GRIP2: variants seen among roughly 807,000 people sequenced by gnomAD.
The protein encoded by GRIP2 is glutamate receptor-interacting protein 2.
A neutral mutation model predicts 108.3 loss-of-function variants in GRIP2; 58 were observed. That is an observed-to-expected ratio of 0.54 (90% CI 0.43 to 0.67). The LOEUF is 0.67. Ranked by LOEUF, GRIP2 falls within the 30% of genes least tolerant of loss-of-function variation. The probability of loss-of-function intolerance (pLI) is 0.00; values close to 1 mark genes in which losing one functional copy is unlikely to be tolerated. For missense variants in GRIP2, 1,278 were observed against 1,430.6 expected (o/e 0.89, Z 1.72); for synonymous variants, 586 against 598.2 (o/e 0.98, Z 0.30).
chr3:14,547,296 T>A (rs1253729246), intron 1 of GRIP2, among the ~76,000 whole-genome samples: 4 of 152,170 alleles, frequency 2.6e-5, no homozygotes, highest in Admixed American at 6.5e-5. Flanking sequence ...TAAAGCACTA[T>A]CTATGCTGCA....
chr3:14,539,941 T>C lies in GRIP2; in HGVS notation c.40+328A>G, dbSNP rs563273667. 4.6e-5 allele frequency among the ~76,000 whole-genome samples: 7 copies of C among 152,210 alleles called. 1 individual carries two copies. The South Asian group carries it at 1.4e-3, about 32-fold the overall frequency. On this transcript the variant is annotated intron_variant, in intron 1 of 23. Coordinates refer to ENST00000621039, the MANE Select transcript of GRIP2 (RefSeq NM_001080423.4). ...CCAGGCAGCTGTGCAGATCCTGAGA[T>C]TGGGCAAAAGGCTTCGCTCACACCC...
intron 23 of GRIP2, 48 bp from the exon 24 acceptor site, chr3:14,493,874 T>C: frequency 6.3e-7 from 1 of 1,575,304 alleles, no homozygotes; most frequent in Non-Finnish European, 8.7e-7. Context: ...TCAGCCCTGC[T>C]GCGCTGAAGG....
Position 14,512,759 on chromosome 3 carries a change from C to T in GRIP2, c.1720+18G>A. On this transcript the variant is annotated intron_variant, in intron 14 of 23. Transcript: ENST00000621039. This position sits in a 1 kb window ranked among gnomAD's most constrained non-coding sequence, Gnocchi z 5.1. ...TGAGCTCGCTCCCAGGGGCAAACAG[C>T]AGCGGGAGGAGACTCACAGCTGATG... 6.2e-7 allele frequency: 1 copy of T among 1,609,464 alleles called. No homozygotes were observed.
Position 14,509,011 on chromosome 3 carries a change from C to T in GRIP2, c.2078+809G>A, listed in dbSNP as rs574004500. 2.0e-5 allele frequency among the ~76,000 whole-genome samples: 3 copies of T among 152,190 alleles called. No individual in the cohort carries two copies. The South Asian group carries it at 6.2e-4, about 32-fold the overall frequency. On this transcript the variant is annotated intron_variant, in intron 17 of 23. Coordinates refer to ENST00000621039, the MANE Select transcript of GRIP2 (RefSeq NM_001080423.4). Reference sequence around the variant, plus strand: ...ACACAGCAGGTGCCCAGTACATGCTCGAATTGATGAAGACATTGGGGTCAG... The same window carrying T: ...ACACAGCAGGTGCCCAGTACATGCTTGAATTGATGAAGACATTGGGGTCAG...
At chr3:14,529,196 G>A (rs965555247) in intron 1 of GRIP2, among the ~76,000 whole-genome samples, 114 of 151,192 alleles carry the variant, frequency 7.5e-4, no homozygotes, top group Middle Eastern at 3.4e-3. Context: ...GGTGAATGGC[G>A]TGAACCTGGG....
the GRIP2 span, chr3:14,573,900 T>C: frequency 4.3e-6 from 5 of 1,166,102 alleles, no homozygotes; most frequent in Non-Finnish European, 6.4e-6. Context: ...GCCCGACCTG[T>C]CGTTGTGCAT....
At chr3:14,575,574 G>A in the GRIP2 span, among the ~76,000 whole-genome samples, 1 of 152,320 alleles carries the variant, frequency 6.6e-6, no homozygotes, top group Non-Finnish European at 1.5e-5. Context: ...TGGGATATTC[G>A]CTTTAATAGG....
At chr3:14,499,142 G>C (rs377038629) in intron 21 of GRIP2, among the ~76,000 whole-genome samples, 1 of 152,206 alleles carries the variant, frequency 6.6e-6, no homozygotes, top group African/African-American at 2.4e-5. Context: ...CCGCATGAAG[G>C]TGGGGCCGGA....
the GRIP2 span, among the ~76,000 whole-genome samples, chr3:14,590,699 C>T: frequency 0.014 from 2,087 of 152,280 alleles, 46 homozygotes; most frequent in African/African-American, 0.047. Context: ...AACCGCCTAA[C>T]GAGGATGAAG....
chr3:14,568,403 CAGG>C, the GRIP2 span, among the ~76,000 whole-genome samples: 13 of 152,292 alleles, frequency 8.5e-5, no homozygotes, highest in Non-Finnish European at 1.6e-4. Context: ...CCTGTGAGGC[CAGG>C]AGAAGTATGT....
chr3:14,511,671 G>A lies in GRIP2; in HGVS notation c.1721-192C>T, dbSNP rs1694097284. ...CATCAGTTTCCCCCCTGTAAAATGGGGGTGGCACCGCAGACCTCATGGGGA... is the reference window on the plus strand; with the variant it reads ...CATCAGTTTCCCCCCTGTAAAATGGAGGTGGCACCGCAGACCTCATGGGGA... On this transcript the variant is annotated intron_variant, in intron 14 of 23. Transcript: ENST00000621039. This position sits in a 1 kb window ranked among gnomAD's most constrained non-coding sequence, Gnocchi z 4.1. 6.6e-6 allele frequency among the ~76,000 whole-genome samples: 1 copy of A among 152,204 alleles called. No homozygotes were observed. The highest frequency in any genetic ancestry group is 2.1e-4 in the South Asian group (1 of 4,826).
chr3:14,506,357 T>A (rs939522502), intron 19 of GRIP2, among the ~76,000 whole-genome samples: 4 of 152,212 alleles, frequency 2.6e-5, no homozygotes, highest in African/African-American at 4.8e-5. Context: ...TGCATTGGCC[T>A]GGGAGGGAGC....
At position 14,522,766 on chromosome 3, in the gene GRIP2, C is replaced by T. The variant is rs544960200; in HGVS notation, c.566+234G>A. 12 of 536,048 alleles carry T rather than the reference C, an allele frequency of 2.2e-5. No homozygotes were observed. The South Asian group carries it at 2.6e-4, about 12-fold the overall frequency. The allele number at this position is 536,048 out of a possible 1,614,324, so 33.2% of individuals were successfully genotyped here. On this transcript the variant is annotated intron_variant, in intron 6 of 23. Transcript: ENST00000621039. The surrounding 1 kb of genome is among the most constrained non-coding windows in gnomAD (Gnocchi z 4.3). ...CACCAAGGCTGCCCCTCTCCAAACACCCCAACCCCTGAGACAGCAGTATGT... is the reference window on the plus strand; with the variant it reads ...CACCAAGGCTGCCCCTCTCCAAACATCCCAACCCCTGAGACAGCAGTATGT...
At chr3:14,501,484 A>C (rs1302219996) in intron 21 of GRIP2, among the ~76,000 whole-genome samples, 1 of 152,258 alleles carries the variant, frequency 6.6e-6, no homozygotes, top group African/African-American at 2.4e-5. Context: ...TGGACAAAAC[A>C]GGTGTAAAGG....
Position 14,506,772 on chromosome 3 carries a change from C to G in GRIP2, c.2398+29G>C, listed in dbSNP as rs1160016897. The G allele has an allele frequency of 1.9e-6, 3 of 1,550,198 alleles. No homozygotes were observed. The African/African-American group carries it at 4.1e-5, about 21-fold the overall frequency. On this transcript the variant is annotated intron_variant, in intron 19 of 23. Coordinates refer to ENST00000621039, the MANE Select transcript of GRIP2 (RefSeq NM_001080423.4). Reference sequence around the variant, plus strand: ...GCAGGGGCGGCCTAGAGAGAGCGTGCCACTTGTCCAAGGGCCCCAAGGTAT... The same window carrying G: ...GCAGGGGCGGCCTAGAGAGAGCGTGGCACTTGTCCAAGGGCCCCAAGGTAT...
chr3:14,528,489 G>A (rs1171847170), intron 1 of GRIP2, among the ~76,000 whole-genome samples: 3 of 152,130 alleles, frequency 2.0e-5, no homozygotes, highest in Non-Finnish European at 2.9e-5. Context: ...TTTTGCACCC[G>A]ACCAACAATG....
chr3:14,566,510 T>C, the GRIP2 span, among the ~76,000 whole-genome samples: 2 of 152,198 alleles, frequency 1.3e-5, no homozygotes, highest in Non-Finnish European at 2.9e-5. Context: ...CAGCAGAGAA[T>C]GCCAGAACTA....
At chr3:14,573,939 CGCCCTGCGCGAATGAA>C in the GRIP2 span, 1 of 1,098,046 alleles carries the variant, frequency 9.1e-7, no homozygotes. Flanking sequence ...CTCGTGCTCG[CGCCCTGCGCGAATGAA>C]GCTGTGCACC....
chr3:14,508,744 G>A (rs1390624963), intron 17 of GRIP2, among the ~76,000 whole-genome samples: 1 of 152,116 alleles, frequency 6.6e-6, no homozygotes, highest in African/African-American at 2.4e-5. Flanking sequence ...GATACGGAAG[G>A]TGTAACATGA....
Sources: gnomAD v4.1 joint callset for allele counts (sites outside exome capture counted in the v4.1 genomes callset) on GRCh38, gnomAD v4.1.1 for gene constraint, Gnocchi (gnomAD v3.1) non-coding constraint, MANE v1.5 for transcripts, NCBI Gene and HGNC (gene_info 2026-07-23, HGNC 2026-07-21) for gene names.